Variants in UBXN7 observed in about 807,000 individuals in gnomAD.
The protein encoded by UBXN7 is UBX domain-containing protein 7.
A neutral mutation model predicts 58.0 loss-of-function variants in UBXN7; 9 were observed. The observed-to-expected ratio is 0.16, with a 90% CI of 0.09 to 0.27. The LOEUF is 0.27. UBXN7 is among the 10% of genes least tolerant of loss of function. UBXN7 has a pLI of 1.00. For missense variants in UBXN7, 328 were observed against 599.6 expected (o/e 0.55, Z 4.73); for synonymous variants, 208 against 205.0 (o/e 1.01, Z -0.12).
chr3:196,381,071 G>A (rs1298697476), intron 5 of UBXN7, among the ~76,000 whole-genome samples: 2 of 152,252 alleles, frequency 1.3e-5, no homozygotes, highest in South Asian at 2.1e-4. Flanking sequence ...ACAAAAGGCA[G>A]CAGACAACTT....
Position 196,356,727 on chromosome 3 carries a change from G to C in UBXN7, c.1428C>G (p.Gly476=). 1 of 1,612,212 alleles carries C rather than the reference G, an allele frequency of 6.2e-7. No homozygotes were observed. The highest frequency in any genetic ancestry group is 8.5e-7 in the Non-Finnish European group (1 of 1,179,624). ...LDYDITLQEA[G]LCPQETVFVQ... Reference sequence around the variant, plus strand: ...CAAAGACAGTCTCTTGAGGACAAAGGCCTGCCTCTTGCAATGTAATATCAT... The same window carrying C: ...CAAAGACAGTCTCTTGAGGACAAAGCCCTGCCTCTTGCAATGTAATATCAT... The change falls in exon 11 of 11, where the codon GGC becomes GGG. Residue 476 remains glycine, a synonymous_variant. Transcript: ENST00000296328.
chr3:196,385,275 A>G (rs1729341290), intron 5 of UBXN7, among the ~76,000 whole-genome samples: 1 of 152,152 alleles, frequency 6.6e-6, no homozygotes, highest in African/African-American at 2.4e-5. Context: ...AGGTGCCGGG[A>G]TTGCAGACGG....
chr3:196,347,667 A>G lies in UBXN7; in HGVS notation c.*9018T>C, dbSNP rs1728115819. The stretch of plus-strand genomic sequence containing the variant: ...AACAACACAAAAAAAACTAATACTG[A>G]AAAGTTTTTGTTTTTATTTCCAAGA... On this transcript the variant is annotated 3_prime_UTR_variant, in exon 11 of 11. Transcript: ENST00000296328. The G allele has an allele frequency of 6.6e-6, 1 of 152,178 alleles. No individual in the cohort carries two copies. Among genetic ancestry groups the G allele is most frequent in the South Asian group, 2.1e-4 (1 of 4,826 alleles). 9.4% of individuals were successfully genotyped at this position (152,178 alleles called of 1,614,324 possible).
chr3:196,392,789 C>T (rs557105142), intron 4 of UBXN7, among the ~76,000 whole-genome samples: 14 of 151,868 alleles, frequency 9.2e-5, no homozygotes, highest in African/African-American at 3.4e-4. Context: ...GGTGACAGAG[C>T]GAGACTCCAT....
At chr3:196,356,913 A>T in intron 10 of UBXN7, 67 bp from the exon 11 acceptor site, 1 of 1,524,568 alleles carries the variant, frequency 6.6e-7, no homozygotes, top group Non-Finnish European at 8.8e-7. Context: ...TAGTGAATTA[A>T]ATAGAAAACA....
chr3:196,362,084 C>G (rs926404921), intron 9 of UBXN7, among the ~76,000 whole-genome samples, 161 bp from the exon 10 acceptor site: 2 of 152,208 alleles, frequency 1.3e-5, no homozygotes, highest in Admixed American at 1.3e-4. Flanking sequence ...ACCTCCGCCT[C>G]CCTGGTTCAA....
intron 1 of UBXN7, chr3:196,432,099 C>G: frequency 1.5e-6 from 1 of 656,128 alleles, no homozygotes; most frequent in Non-Finnish European, 2.7e-6. Flanking sequence ...GGGGATCTCC[C>G]TCCACGCTAC....
intron 8 of UBXN7, among the ~76,000 whole-genome samples, chr3:196,367,547 C>T (rs1728705555): frequency 6.6e-6 from 1 of 152,190 alleles, no homozygotes; most frequent in South Asian, 2.1e-4. Context: ...GGTGAGAAGG[C>T]TGCTTCAGCC....
In UBXN7 at chr3:196,353,517, T is replaced by C. The variant is rs911030606; in HGVS notation, c.*3168A>G. On this transcript the variant is annotated 3_prime_UTR_variant, in exon 11 of 11. Coordinates refer to ENST00000296328, the MANE Select transcript of UBXN7 (RefSeq NM_015562.2). ...TTTTTTTTAAATTTGAGATGGAGTG[T>C]CGCTTTGTCGCCCAGGCTGGAGTGT... 5.3e-5 allele frequency: 8 copies of C among 151,274 alleles called. No homozygotes were observed. The highest frequency in any genetic ancestry group is 5.3e-4 in the Admixed American group (8 of 15,160). The allele number at this position is 151,274 out of a possible 1,614,324, so 9.4% of individuals were successfully genotyped here.
intron 6 of UBXN7, among the ~76,000 whole-genome samples, chr3:196,371,654 TG>T (rs1253600367): frequency 6.6e-6 from 1 of 152,104 alleles, no homozygotes; most frequent in African/African-American, 2.4e-5. Context: ...GCTGATTTTT[TG>T]TATTTTTAGG....
intron 1 of UBXN7, among the ~76,000 whole-genome samples, chr3:196,426,111 T>C (rs1057041412): frequency 3.9e-4 from 59 of 152,182 alleles, no homozygotes; most frequent in African/African-American, 1.4e-3. Context: ...CAGCCAGGCA[T>C]GGTGGCTCAA....
Position 196,353,036 on chromosome 3 carries a change from T to C in UBXN7, c.*3649A>G, listed in dbSNP as rs985467859. 6.6e-6 allele frequency: 1 copy of C among 152,180 alleles called. No individual in the cohort carries two copies. The highest frequency in any genetic ancestry group is 2.4e-5 in the African/African-American group (1 of 41,460). The allele number at this position is 152,180 out of a possible 1,614,324, so 9.4% of individuals were successfully genotyped here. ...AGCAATAATCAGCCTCTCAAAATAA[T>C]GGCATAAATAAAAATGTATAGGCAT... On this transcript the variant is annotated 3_prime_UTR_variant, in exon 11 of 11. Coordinates refer to ENST00000296328, the MANE Select transcript of UBXN7 (RefSeq NM_015562.2).
chr3:196,398,586 G>A (rs1729851041), intron 3 of UBXN7, among the ~76,000 whole-genome samples: 1 of 152,150 alleles, frequency 6.6e-6, no homozygotes, highest in Admixed American at 6.5e-5. Context: ...GCTCACAAAG[G>A]TGGGTACAAA....
intron 5 of UBXN7, among the ~76,000 whole-genome samples, chr3:196,374,455 T>C (rs1457484028): frequency 6.6e-6 from 1 of 152,070 alleles, no homozygotes; most frequent in Admixed American, 6.6e-5. Flanking sequence ...GGGAGAAACC[T>C]AATACTAGCA....
chr3:196,388,925 G>GA lies in UBXN7; in HGVS notation c.468+2887dup, dbSNP rs907461296. Among the ~76,000 whole-genome samples the GA allele has an allele frequency of 2.1e-4, 30 of 145,974 alleles. 1 individual carries two copies. The highest frequency in any genetic ancestry group is 1.8e-3 in the East Asian group (9 of 5,030). ...GATGGTTAAGTATAATATTATCAGT[G>GA]AAAAAAAAAATGGACTGCTGTAAAC... On this transcript the variant is annotated intron_variant, in intron 5 of 10. Coordinates refer to ENST00000296328, the MANE Select transcript of UBXN7 (RefSeq NM_015562.2).
intron 1 of UBXN7, chr3:196,431,902 G>A (rs6583309): frequency 0.16 from 54,735 of 351,298 alleles, 5,125 homozygotes; most frequent in African/African-American, 0.28. Context: ...GGCCGGGGAA[G>A]AAAGGAAAAA....
At chr3:196,413,646 CT>C (rs1333328597) in intron 1 of UBXN7, among the ~76,000 whole-genome samples, 2 of 152,102 alleles carry the variant, frequency 1.3e-5, no homozygotes, top group Non-Finnish European at 2.9e-5. Flanking sequence ...CCTAACCAAC[CT>C]TTTCTATGTC....
At chr3:196,426,844 T>C (rs1221984937) in intron 1 of UBXN7, among the ~76,000 whole-genome samples, 2 of 146,290 alleles carry the variant, frequency 1.4e-5, no homozygotes, top group Non-Finnish European at 3.0e-5. Context: ...TGAGACTCTG[T>C]CTCAAAAAAA....
At chr3:196,392,998 G>C (rs959989901) in intron 4 of UBXN7, among the ~76,000 whole-genome samples, 8 of 151,958 alleles carry the variant, frequency 5.3e-5, no homozygotes, top group African/African-American at 2.4e-5. Flanking sequence ...AATCAAGCAT[G>C]GTCCAAGGGT....
Sources: gnomAD v4.1 joint callset for allele counts (sites outside exome capture counted in the v4.1 genomes callset) on GRCh38, gnomAD v4.1.1 for gene constraint, MANE v1.5 for transcripts, NCBI Gene and HGNC (gene_info 2026-07-23, HGNC 2026-07-21) for gene names.